Variants in ZNRF1 observed in about 807,000 individuals in gnomAD.
ZNRF1 encodes the protein E3 ubiquitin-protein ligase ZNRF1.
A neutral mutation model predicts 18.4 loss-of-function variants in ZNRF1; 3 were observed. The observed-to-expected ratio is 0.16, with a 90% CI of 0.07 to 0.42. The LOEUF (loss-of-function observed/expected upper bound fraction) is 0.42, where lower values mean the gene tolerates loss of function less well. ZNRF1 is among the 10% of genes least tolerant of loss of function. The pLI, the probability that ZNRF1 is intolerant of heterozygous loss-of-function variation, is 0.99. For synonymous variants in ZNRF1, 157 were observed against 144.2 expected (o/e 1.09, Z -0.64); for missense variants, 310 against 329.8 (o/e 0.94, Z 0.47).
intron 1 of ZNRF1, among the ~76,000 whole-genome samples, chr16:75,053,372 T>G (rs895489552): frequency 3.4e-4 from 52 of 152,178 alleles, no homozygotes; most frequent in Admixed American, 2.0e-3. Flanking sequence ...GTGGATCACC[T>G]GAGGTCAGGA....
At chr16:75,098,459 C>T (rs1362646612) in intron 2 of ZNRF1, among the ~76,000 whole-genome samples, 5 of 152,212 alleles carry the variant, frequency 3.3e-5, no homozygotes, top group Non-Finnish European at 7.3e-5. Flanking sequence ...TTGGATGGGC[C>T]GCTGCTGGTA....
intron 1 of ZNRF1, among the ~76,000 whole-genome samples, chr16:75,090,185 C>T (rs925546350): frequency 2.6e-5 from 4 of 152,192 alleles, no homozygotes; most frequent in African/African-American, 9.7e-5. Context: ...TAGGCTGGAT[C>T]GGAAAAGCAT....
rs182861336 is a variant in ZNRF1 at position 75,073,884 on chromosome 16, G to A, written c.425-19688G>A. Among the ~76,000 whole-genome samples the A allele has an allele frequency of 5.3e-4, 80 of 152,056 alleles. 1 individual carries two copies. The highest frequency in any genetic ancestry group is 3.4e-3 in the Middle Eastern group (1 of 294). On this transcript the variant is annotated intron_variant, in intron 1 of 4. Transcript: ENST00000335325. ...CGGATCATAGACTAGGGAACTTTCCGGTTCACTTCTGAGGACTCAGAAAAC... is the reference window on the plus strand; with the variant it reads ...CGGATCATAGACTAGGGAACTTTCCAGTTCACTTCTGAGGACTCAGAAAAC...
intron 1 of ZNRF1, among the ~76,000 whole-genome samples, chr16:75,001,831 G>A (rs1310025183): frequency 1.3e-5 from 2 of 152,130 alleles, no homozygotes; most frequent in Non-Finnish European, 2.9e-5. Context: ...CTACAGTTAT[G>A]AGCTTGTAGT....
intron 1 of ZNRF1, among the ~76,000 whole-genome samples, chr16:75,060,219 A>C (rs2035724934): frequency 6.6e-6 from 1 of 151,502 alleles, no homozygotes. Flanking sequence ...ACACCTGGCT[A>C]ATTTTTGTAT....
Position 75,104,803 on chromosome 16 carries a change from C to G in ZNRF1, c.540C>G (p.Asp180Glu). The G allele has an allele frequency of 3.1e-6, 5 of 1,608,822 alleles. No homozygotes were observed. The highest frequency in any genetic ancestry group is 4.2e-6 in the Non-Finnish European group (5 of 1,178,280). Reference protein sequence around the residue: ...LSYNDDVLTKDAGECVICLEE... With the variant: ...LSYNDDVLTKEAGECVICLEE... ...TTGCAGATGATGTGCTGACTAAAGA[C>G]GCGGGTGAGTGTGTGATCTGCCTGG... Residue 180 changes from aspartate (D) to glutamate (E), a missense_variant, in exon 3 of 5, where the codon GAC (aspartate) becomes GAG (glutamate). Asp to Glu is a conservative substitution (Grantham distance 45). Coordinates refer to ENST00000335325, the MANE Select transcript of ZNRF1 (RefSeq NM_032268.5).
Position 74,999,973 on chromosome 16 carries a change from A to G in ZNRF1, c.302A>G (p.Asn101Ser), listed in dbSNP as rs371146283. 3.0e-5 allele frequency: 47 copies of G among 1,583,502 alleles called. No individual in the cohort carries two copies. Among genetic ancestry groups the G allele is most frequent in the Admixed American group, 7.2e-5 (4 of 55,218 alleles). The change falls in exon 1 of 5, where the codon AAT becomes AGT. Residue 101 changes from asparagine to serine, a missense_variant. Physicochemically the swap from Asn to Ser is conservative, Grantham distance 46. Transcript: ENST00000335325. Reference sequence around the variant, plus strand: ...TCCGACTCCACCTATGCCCATGGCAATGGTTACCAGGAGACGGGCGGCGGT... The same window carrying G: ...TCCGACTCCACCTATGCCCATGGCAGTGGTTACCAGGAGACGGGCGGCGGT... Reference protein sequence around the residue: ...SASDSTYAHGNGYQETGGGHH... With the variant: ...SASDSTYAHGSGYQETGGGHH...
chr16:75,082,203 G>A (rs1052876949), intron 1 of ZNRF1, among the ~76,000 whole-genome samples: 10 of 152,020 alleles, frequency 6.6e-5, no homozygotes, highest in African/African-American at 2.4e-4. Flanking sequence ...TCTTGTATCT[G>A]CTCGGACTCA....
At chr16:75,039,278 A>G (rs1236039537) in intron 1 of ZNRF1, among the ~76,000 whole-genome samples, 1 of 152,042 alleles carries the variant, frequency 6.6e-6, no homozygotes, top group Non-Finnish European at 1.5e-5. Context: ...TGTTTGGAAA[A>G]CTTTTTTTTT....
intron 1 of ZNRF1, among the ~76,000 whole-genome samples, chr16:75,079,177 G>A (rs2035980122): frequency 6.6e-6 from 1 of 152,102 alleles, no homozygotes; most frequent in Non-Finnish European, 1.5e-5. Flanking sequence ...TGTCTGGAGA[G>A]TCTCTAGAAA....
chr16:75,035,476 AT>A (rs1342660988), intron 1 of ZNRF1, among the ~76,000 whole-genome samples: 5 of 152,204 alleles, frequency 3.3e-5, no homozygotes, highest in African/African-American at 1.2e-4. Context: ...AGCAACCTCA[AT>A]TCTTGGCTCC....
chr16:75,069,141 T>C (rs371129756), intron 1 of ZNRF1, among the ~76,000 whole-genome samples: 7 of 151,914 alleles, frequency 4.6e-5, no homozygotes, highest in Non-Finnish European at 8.8e-5. Context: ...AGTTAGGAGA[T>C]AATCTTTCAG....
chr16:75,003,058 A>G (rs2034873317), intron 1 of ZNRF1, among the ~76,000 whole-genome samples: 1 of 152,118 alleles, frequency 6.6e-6, no homozygotes, highest in African/African-American at 2.4e-5. Context: ...GGTTCAAGCA[A>G]TTCTCCTGCC....
intron 1 of ZNRF1, among the ~76,000 whole-genome samples, chr16:75,004,089 G>A (rs2034888071): frequency 6.6e-6 from 1 of 151,980 alleles, no homozygotes; most frequent in South Asian, 2.1e-4. Context: ...GCTTCCCAAA[G>A]TGCTGGGACC....
intron 2 of ZNRF1, chr16:75,095,554 G>T: frequency 6.7e-7 from 1 of 1,483,876 alleles, no homozygotes; most frequent in South Asian, 1.3e-5. Context: ...CGTTTGTCCT[G>T]TGGGTTGCTA....
intron 1 of ZNRF1, among the ~76,000 whole-genome samples, chr16:75,088,679 A>G (rs1241702187): frequency 1.3e-5 from 2 of 152,230 alleles, no homozygotes; most frequent in Non-Finnish European, 2.9e-5. Context: ...CTTTCTGGCC[A>G]TGCGAATCTT....
intron 1 of ZNRF1, among the ~76,000 whole-genome samples, chr16:75,008,312 C>T (rs2034950200): frequency 6.6e-6 from 1 of 152,174 alleles, no homozygotes; most frequent in Non-Finnish European, 1.5e-5. Context: ...TTATTGCCTA[C>T]ATATAGGGCC....
intron 1 of ZNRF1, among the ~76,000 whole-genome samples, chr16:75,016,048 G>A (rs1170719422): frequency 6.6e-6 from 1 of 151,124 alleles, no homozygotes; most frequent in Admixed American, 6.6e-5. Context: ...AGCCTCCCGA[G>A]TAGCTGGGAC....
chr16:75,106,618 G>A, intron 4 of ZNRF1, 47 bp downstream of exon 4: 1 of 1,554,616 alleles, frequency 6.4e-7, no homozygotes, highest in Non-Finnish European at 8.9e-7. Context: ...TTGGGGTCAG[G>A]TCACTTTGGG....
Sources: gnomAD v4.1 joint callset for allele counts (sites outside exome capture counted in the v4.1 genomes callset) on GRCh38, gnomAD v4.1.1 for gene constraint, MANE v1.5 for transcripts, NCBI Gene and HGNC (gene_info 2026-07-23, HGNC 2026-07-21) for gene names.